The following CASR variants were observed in gnomAD, a reference collection of about 807,000 sequenced individuals.
CASR encodes the protein calcium sensing receptor.
A neutral mutation model predicts 69.1 loss-of-function variants in CASR; 23 were observed. The observed-to-expected ratio is 0.33, with a 90% CI of 0.24 to 0.47. CASR has a LOEUF of 0.47. CASR is among the 20% of genes least tolerant of loss of function. The pLI is 1.00. For synonymous variants in CASR, 541 were observed against 544.7 expected, an observed-to-expected ratio of 0.99 and a Z score of 0.10; for missense variants, 924 against 1,356.1, an observed-to-expected ratio of 0.68 and a Z score of 5.00.
intron 4 of CASR, among the ~76,000 whole-genome samples, chr3:122,269,232 A>C (rs2074728282): frequency 6.6e-6 from 1 of 152,366 alleles, no homozygotes; most frequent in African/African-American, 2.4e-5. Flanking sequence ...GATTCAGCCC[A>C]ATTGAACTGG....
chr3:122,214,810 A>G (rs1319084771), intron 1 of CASR, among the ~76,000 whole-genome samples: 1 of 152,206 alleles, frequency 6.6e-6, no homozygotes, highest in African/African-American at 2.4e-5. Flanking sequence ...GTAGTAAGGC[A>G]AATTCCTTGT....
chr3:122,260,562 C>T (rs2074607836), intron 3 of CASR, among the ~76,000 whole-genome samples: 1 of 152,172 alleles, frequency 6.6e-6, no homozygotes, highest in South Asian at 2.1e-4. Context: ...AGATTCTTCA[C>T]AATGCGACCT....
intron 3 of CASR, among the ~76,000 whole-genome samples, chr3:122,261,136 T>C (rs2074616449): frequency 6.6e-6 from 1 of 152,186 alleles, no homozygotes; most frequent in African/African-American, 2.4e-5. Context: ...GTTGTGTACA[T>C]GGATATATTA....
chr3:122,274,461 G>C (rs2107642340), intron 4 of CASR, among the ~76,000 whole-genome samples: 1 of 152,350 alleles, frequency 6.6e-6, no homozygotes, highest in East Asian at 1.9e-4. Flanking sequence ...AGTGGGACAG[G>C]AGAGGTACTG....
chr3:122,258,463 G>T (rs1021757343), intron 3 of CASR, among the ~76,000 whole-genome samples: 1 of 150,408 alleles, frequency 6.6e-6, no homozygotes, highest in African/African-American at 2.5e-5. Flanking sequence ...GGGAATTAAA[G>T]GTGTTTCCCA....
intron 1 of CASR, among the ~76,000 whole-genome samples, chr3:122,205,221 T>A (rs1342468166): frequency 6.6e-6 from 1 of 152,122 alleles, no homozygotes; most frequent in East Asian, 1.9e-4. Flanking sequence ...GGTCTTATAT[T>A]TTTAAATCAA....
chr3:122,254,100 G>T lies in CASR; in HGVS notation c.-90G>T. 1 of 1,123,196 alleles carries T rather than the reference G, an allele frequency of 8.9e-7. No individual in the cohort carries two copies. Among genetic ancestry groups the T allele is most frequent in the Non-Finnish European group, 1.4e-6 (1 of 736,110 alleles). 69.6% of individuals were successfully genotyped at this position (1,123,196 alleles called of 1,614,324 possible). A position where few individuals can be genotyped will look rare whatever the true frequency, so the allele number is the denominator to read the frequency against. ...CAATCTGTAGACATGTGTCCCCACTGCAGGGAGTGAACTGCTCCAAGGGAG... is the reference window on the plus strand; with the variant it reads ...CAATCTGTAGACATGTGTCCCCACTTCAGGGAGTGAACTGCTCCAAGGGAG... On this transcript the variant is annotated 5_prime_UTR_variant, in exon 2 of 7. Transcript: ENST00000639785.
Position 122,262,227 on chromosome 3 carries a change from G to A in CASR, c.1192G>A (p.Asp398Asn), listed in dbSNP as rs201177696. The change falls in exon 4 of 7, where the codon GAT becomes AAT. Residue 398 changes from aspartate to asparagine, a missense_variant. Coordinates refer to ENST00000639785, the MANE Select transcript of CASR (RefSeq NM_000388.4). Reference protein sequence around the residue: ...STAFRPLCTGDENISSVETPY... With the variant: ...STAFRPLCTGNENISSVETPY... ...AGCCTTCCGACCCCTCTGTACAGGGGATGAGAACATCAGCAGTGTCGAGAC... is the reference window on the plus strand; with the variant it reads ...AGCCTTCCGACCCCTCTGTACAGGGAATGAGAACATCAGCAGTGTCGAGAC... 374 of 1,614,198 alleles carry A rather than the reference G, an allele frequency of 2.3e-4. No homozygotes were observed. The highest frequency in any genetic ancestry group is 1.6e-3 in the East Asian group (74 of 44,884).
Position 122,284,282 on chromosome 3 carries a change from G to T in CASR, c.2328G>T (p.Leu776=). The T allele has an allele frequency of 6.2e-7, 1 of 1,614,114 alleles. No individual in the cohort carries two copies. Reference sequence around the variant, plus strand: ...GCTCCCTCATGGCCCTGGGCTTCCTGATCGGCTACACCTGCCTGCTGGCTG... The same window carrying T: ...GCTCCCTCATGGCCCTGGGCTTCCTTATCGGCTACACCTGCCTGCTGGCTG... ...HEGSLMALGF[L]IGYTCLLAAI... The change falls in exon 7 of 7, where the codon CTG becomes CTT. Residue 776 remains leucine, a synonymous_variant. Coordinates refer to ENST00000639785, the MANE Select transcript of CASR (RefSeq NM_000388.4).
chr3:122,248,785 C>A (rs2074453922), intron 1 of CASR, among the ~76,000 whole-genome samples: 1 of 151,960 alleles, frequency 6.6e-6, no homozygotes, highest in African/African-American at 2.4e-5. Context: ...ATGTTGAGGC[C>A]AAGAGGTGAG....
At chr3:122,233,040 C>T (rs1351757072) in intron 1 of CASR, among the ~76,000 whole-genome samples, 1 of 152,198 alleles carries the variant, frequency 6.6e-6, no homozygotes, top group African/African-American at 2.4e-5. Flanking sequence ...TATTCTGGCT[C>T]GGAGGAGTGA....
chr3:122,257,444 G>C (rs2074568054), intron 3 of CASR, 57 bp downstream of exon 3: 8 of 1,339,542 alleles, frequency 6.0e-6, no homozygotes, highest in Non-Finnish European at 8.5e-6. Context: ...AGCAGGCTTG[G>C]GGGTGCCATG....
At chr3:122,211,673 C>T (rs6787967) in intron 1 of CASR, among the ~76,000 whole-genome samples, 110,204 of 152,048 alleles carry the variant, frequency 0.72, 40,183 homozygotes, top group Admixed American at 0.82. Context: ...GTGCCACTGC[C>T]CTCCAGCCTG....
At chr3:122,217,381 G>A (rs1027736860) in intron 1 of CASR, among the ~76,000 whole-genome samples, 3 of 152,130 alleles carry the variant, frequency 2.0e-5, no homozygotes, top group Non-Finnish European at 4.4e-5. Flanking sequence ...GATTACAGGT[G>A]TGAGCCACCA....
chr3:122,202,175 G>A (rs148811303), intron 1 of CASR, among the ~76,000 whole-genome samples: 26,589 of 152,194 alleles, frequency 0.17, 2,402 homozygotes, highest in African/African-American at 0.21. Context: ...CCGGCACCTC[G>A]GGAGGCCAAG....
rs3050785 is a variant in CASR, at chr3:122,269,842, A to ATTGTTTTGTT, written c.1378-5961_1378-5952dup. Among the ~76,000 whole-genome samples the ATTGTTTTGTT allele has an allele frequency of 1.0e-3, 153 of 151,212 alleles. 1 individual carries two copies. Among genetic ancestry groups the ATTGTTTTGTT allele is most frequent in the Middle Eastern group, 3.4e-3 (1 of 290 alleles). On this transcript the variant is annotated intron_variant, in intron 4 of 6. Transcript: ENST00000639785. ...ACCTTTAGTTGGTTTTCTTTGTGGG[A>ATTGTTTTGTT]TTGTTTTGTTTTGTTTTGAGATGGA... is the stretch of plus-strand genomic sequence containing the variant.
At chr3:122,250,992 T>C (rs557027021) in intron 1 of CASR, among the ~76,000 whole-genome samples, 6 of 152,298 alleles carry the variant, frequency 3.9e-5, no homozygotes, top group Admixed American at 3.3e-4. Flanking sequence ...TGAGTGAACA[T>C]ATGACCAGGG....
At chr3:122,244,221 G>A (rs2074405523) in intron 1 of CASR, among the ~76,000 whole-genome samples, 1 of 152,006 alleles carries the variant, frequency 6.6e-6, no homozygotes, top group South Asian at 2.1e-4. Context: ...TGCTTGAGGG[G>A]ATGGATACCC....
intron 3 of CASR, among the ~76,000 whole-genome samples, chr3:122,258,111 A>G (rs1165511090): frequency 6.6e-6 from 1 of 152,198 alleles, no homozygotes; most frequent in African/African-American, 2.4e-5. Flanking sequence ...TTTCCTTCTT[A>G]ACGCTATAGA....
Sources: allele counts gnomAD v4.1 joint callset (sites outside exome capture counted in the v4.1 genomes callset), GRCh38; gene constraint gnomAD v4.1.1; transcripts MANE v1.5; gene names NCBI Gene and HGNC (gene_info 2026-07-23, HGNC 2026-07-21).